Variants in GRIK2 observed in about 807,000 individuals in gnomAD.
The protein encoded by GRIK2 is glutamate ionotropic receptor kainate type subunit 2, also known as glutamate receptor ionotropic, kainate 2.
Under a neutral mutation model 100.3 loss-of-function variants are expected in GRIK2, and 32 were observed. The ratio of observed to expected loss-of-function variants is 0.32; its 90% CI spans 0.24 to 0.43. GRIK2 has a LOEUF of 0.43. Among genes scored for constraint, GRIK2 ranks in the 20% least tolerant of loss-of-function variants. GRIK2 has a pLI of 1.00. For synonymous variants in GRIK2, 417 were observed against 389.4 expected, an observed-to-expected ratio of 1.07 and a Z score of -0.83; for missense variants, 843 against 1,114.9, an observed-to-expected ratio of 0.76 and a Z score of 3.47.
intron 7 of GRIK2, among the ~76,000 whole-genome samples, chr6:101,768,790 G>T (rs961496875): frequency 2.6e-5 from 4 of 152,126 alleles, no homozygotes; most frequent in African/African-American, 9.7e-5. Flanking sequence ...AGTGCTTTGA[G>T]CCTTGGCTCC....
chr6:102,049,894 T>C (rs143796596), intron 15 of GRIK2, among the ~76,000 whole-genome samples: 2 of 152,286 alleles, frequency 1.3e-5, no homozygotes, highest in East Asian at 3.9e-4. Flanking sequence ...ATAAGATACA[T>C]TGATTTCAGT....
intron 14 of GRIK2, among the ~76,000 whole-genome samples, chr6:101,983,701 C>A (rs543838571): frequency 2.0e-5 from 3 of 151,702 alleles, no homozygotes; most frequent in Non-Finnish European, 4.4e-5. Flanking sequence ...TTTAACTTTT[C>A]TCACCTGAAA....
intron 2 of GRIK2, among the ~76,000 whole-genome samples, chr6:101,580,955 G>A (rs544164284): frequency 3.4e-4 from 52 of 151,838 alleles, no homozygotes; most frequent in African/African-American, 1.2e-3. Context: ...TTTTTCTTCT[G>A]TGCTTTATTT....
intron 7 of GRIK2, among the ~76,000 whole-genome samples, chr6:101,733,840 T>C (rs987314500): frequency 6.6e-6 from 1 of 151,716 alleles, no homozygotes. Flanking sequence ...TAGTCCTTCC[T>C]TCCACAAGAC....
At chr6:101,519,585 T>C (rs1381772710) in intron 2 of GRIK2, among the ~76,000 whole-genome samples, 1 of 152,020 alleles carries the variant, frequency 6.6e-6, no homozygotes, top group Non-Finnish European at 1.5e-5. Flanking sequence ...TATTTTCTAA[T>C]TAAGTCCCAG....
intron 2 of GRIK2, among the ~76,000 whole-genome samples, chr6:101,566,215 GTCT>G (rs1476033535): frequency 6.6e-6 from 1 of 151,644 alleles, no homozygotes; most frequent in African/African-American, 2.4e-5. Context: ...CAAGTGTTCT[GTCT>G]TCTTAAATGA....
chr6:101,902,364 A>G (rs1159323244), intron 12 of GRIK2, among the ~76,000 whole-genome samples: 2 of 151,978 alleles, frequency 1.3e-5, no homozygotes, highest in Non-Finnish European at 2.9e-5. Flanking sequence ...TGTATGAAGA[A>G]GGATATGTGG....
rs796222291 is a variant in GRIK2 at position 101,639,251 on chromosome 6, C to T, written c.541+12614C>T. ...TGGGATTTCACCATGTTGGTCGGGT[C>T]GCAAACTCCTGATATCAAGTGATCT... On this transcript the variant is annotated intron_variant, in intron 4 of 16. Coordinates refer to ENST00000369134, the MANE Select transcript of GRIK2 (RefSeq NM_021956.5). Among the ~76,000 whole-genome samples, 5 of 151,990 alleles carry T rather than the reference C, an allele frequency of 3.3e-5. 1 individual carries two copies. In the East Asian group the frequency reaches 5.8e-4, roughly 18 times the overall value.
At chr6:101,890,754 A>G (rs940246424) in intron 12 of GRIK2, among the ~76,000 whole-genome samples, 1 of 152,084 alleles carries the variant, frequency 6.6e-6, no homozygotes, top group Admixed American at 6.6e-5. Flanking sequence ...TTCAACTGAT[A>G]GATTGTGTCA....
At chr6:101,502,471 A>G (rs561946331) in intron 2 of GRIK2, among the ~76,000 whole-genome samples, 25 of 152,328 alleles carry the variant, frequency 1.6e-4, no homozygotes, top group African/African-American at 6.0e-4. Flanking sequence ...TGAAATAAAA[A>G]GATTTCCGAG....
At chr6:101,438,266 C>T (rs1039637657) in intron 2 of GRIK2, among the ~76,000 whole-genome samples, 3 of 152,036 alleles carry the variant, frequency 2.0e-5, no homozygotes, top group African/African-American at 7.2e-5. Flanking sequence ...ATTTGGTTAG[C>T]TCAAGGGAAG....
At chr6:101,982,697 A>G (rs965707671) in intron 14 of GRIK2, among the ~76,000 whole-genome samples, 6 of 150,250 alleles carry the variant, frequency 4.0e-5, no homozygotes, top group African/African-American at 1.5e-4. Context: ...GAATTTCTTC[A>G]GTGCCACAAC....
intron 7 of GRIK2, among the ~76,000 whole-genome samples, chr6:101,730,670 A>G (rs533308916): frequency 1.3e-5 from 2 of 151,536 alleles, no homozygotes; most frequent in Non-Finnish European, 3.0e-5. Flanking sequence ...CACATTCTTG[A>G]TATAGATCAT....
At chr6:101,799,591 T>G (rs2128413276) in intron 7 of GRIK2, 57 bp from the exon 8 acceptor site, 1 of 1,410,252 alleles carries the variant, frequency 7.1e-7, no homozygotes, top group Non-Finnish European at 1.0e-6. Context: ...GCAAACCATC[T>G]ACCACAAGTT....
chr6:101,741,429 T>C (rs930639754), intron 7 of GRIK2, among the ~76,000 whole-genome samples: 6 of 152,206 alleles, frequency 3.9e-5, no homozygotes, highest in Admixed American at 3.3e-4. Flanking sequence ...TGACGATAGA[T>C]AGATTAGCAG....
At chr6:101,416,591 A>G (rs147433985) in intron 2 of GRIK2, among the ~76,000 whole-genome samples, 268 of 152,338 alleles carry the variant, frequency 1.8e-3, no homozygotes, top group African/African-American at 5.9e-3. Flanking sequence ...TTGAACTTCA[A>G]AAACCACTTC....
At chr6:102,039,919 C>T (rs1033827740) in intron 15 of GRIK2, among the ~76,000 whole-genome samples, 4 of 151,528 alleles carry the variant, frequency 2.6e-5, no homozygotes, top group African/African-American at 4.8e-5. Context: ...ACTTTAACAA[C>T]AAGCATTGTA....
chr6:101,903,844 G>T (rs1788041316), intron 12 of GRIK2, among the ~76,000 whole-genome samples: 1 of 151,080 alleles, frequency 6.6e-6, no homozygotes, highest in African/African-American at 2.4e-5. Context: ...TAATATAAAT[G>T]CATCATAGCA....
intron 7 of GRIK2, among the ~76,000 whole-genome samples, chr6:101,744,345 C>G (rs9498678): frequency 0.16 from 24,363 of 151,308 alleles, 2,413 homozygotes; most frequent in African/African-American, 0.26. Flanking sequence ...TAGCTTAGCT[C>G]TCACATATTA....
Sources: gnomAD v4.1 joint callset for allele counts (sites outside exome capture counted in the v4.1 genomes callset) on GRCh38, gnomAD v4.1.1 for gene constraint, MANE v1.5 for transcripts, NCBI Gene and HGNC (gene_info 2026-07-23, HGNC 2026-07-21) for gene names.